The following MXI1 variants were observed in gnomAD, a reference collection of about 807,000 sequenced individuals.
MXI1 encodes the protein max-interacting protein 1.
In MXI1, 18 loss-of-function variants were observed where a neutral mutation model predicts 36.9. The observed-to-expected ratio is 0.49, with a 90% CI of 0.34 to 0.72. The LOEUF (loss-of-function observed/expected upper bound fraction) is 0.72. MXI1 is among the 30% of genes least tolerant of loss of function. The probability of loss-of-function intolerance (pLI) is 0.01; values close to 1 mark genes in which losing one functional copy is unlikely to be tolerated. For synonymous variants in MXI1, 160 were observed against 146.7 expected, an observed-to-expected ratio of 1.09 and a Z score of -0.65; for missense variants, 304 against 379.1, an observed-to-expected ratio of 0.80 and a Z score of 1.64.
At chr10:110,281,486 G>A (rs981369320) in intron 5 of MXI1, among the ~76,000 whole-genome samples, 3 of 152,066 alleles carry the variant, frequency 2.0e-5, no homozygotes, top group Non-Finnish European at 4.4e-5. Flanking sequence ...TGTTTGATGT[G>A]CCTTTTAAGA....
intron 3 of MXI1, among the ~76,000 whole-genome samples, chr10:110,253,296 C>T (rs1288021180): frequency 6.6e-6 from 1 of 151,800 alleles, no homozygotes; most frequent in Non-Finnish European, 1.5e-5. Flanking sequence ...CCCCATTTTA[C>T]ATGGATGTTT....
rs894910005 is a variant in MXI1 at position 110,226,102 on chromosome 10, C to T, written c.275-2087C>T. The T allele has an allele frequency of 1.7e-5, 20 of 1,162,652 alleles. No homozygotes were observed. In the African/African-American group the frequency reaches 3.1e-4, roughly 18 times the overall value. The allele number at this position is 1,162,652 out of a possible 1,614,324, so 72.0% of individuals were successfully genotyped here. A position where few individuals can be genotyped will look rare whatever the true frequency, so the allele number is the denominator to read the frequency against. On this transcript the variant is annotated intron_variant, in intron 1 of 5. Coordinates refer to ENST00000332674, the MANE Select transcript of MXI1 (RefSeq NM_130439.3). ...CGAGCCGCGGCCGAGCTGGCCCGCC[C>T]GCCCGTCGCACATGTTCCGGAACGG...
At chr10:110,251,910 G>A (rs1856105629) in intron 3 of MXI1, among the ~76,000 whole-genome samples, 1 of 152,092 alleles carries the variant, frequency 6.6e-6, no homozygotes, top group Non-Finnish European at 1.5e-5. Flanking sequence ...AAGGTGGTTT[G>A]GAATTAGACT....
At chr10:110,282,876 G>GC (rs1857304192) in intron 5 of MXI1, among the ~76,000 whole-genome samples, 1 of 151,990 alleles carries the variant, frequency 6.6e-6, no homozygotes, top group Non-Finnish European at 1.5e-5. Flanking sequence ...ATAGAGATGG[G>GC]CCTTGTTGCC....
intron 1 of MXI1, among the ~76,000 whole-genome samples, chr10:110,216,823 T>G (rs1296306006): frequency 2.6e-5 from 4 of 151,740 alleles, no homozygotes; most frequent in Non-Finnish European, 5.9e-5. Flanking sequence ...TGTGCCACCT[T>G]GCCCCACTGA....
chr10:110,222,287 A>C (rs1854836198), intron 1 of MXI1, among the ~76,000 whole-genome samples: 1 of 152,238 alleles, frequency 6.6e-6, no homozygotes, highest in South Asian at 2.1e-4. Flanking sequence ...TGCCCTACTC[A>C]GTAAACACTT....
At chr10:110,251,072 C>T (rs11195047) in intron 3 of MXI1, among the ~76,000 whole-genome samples, 49,947 of 140,838 alleles carry the variant, frequency 0.35, 10,193 homozygotes, top group Non-Finnish European at 0.45. Context: ...TAGGTATTCT[C>T]CATATAAGGA....
At chr10:110,283,212 G>A (rs1157213343) in intron 5 of MXI1, among the ~76,000 whole-genome samples, 1 of 151,504 alleles carries the variant, frequency 6.6e-6, no homozygotes, top group Non-Finnish European at 1.5e-5. Flanking sequence ...CTTTTGAAAA[G>A]TATATTCCTG....
chr10:110,213,832 A>T (rs1035652903), intron 1 of MXI1, among the ~76,000 whole-genome samples: 1 of 152,252 alleles, frequency 6.6e-6, no homozygotes, highest in Non-Finnish European at 1.5e-5. Flanking sequence ...AAAAGTCTAG[A>T]GGTGAAACTG....
chr10:110,232,132 T>G (rs956149904), intron 2 of MXI1, among the ~76,000 whole-genome samples: 2 of 152,160 alleles, frequency 1.3e-5, no homozygotes, highest in African/African-American at 4.8e-5. Context: ...GGCTAATTTT[T>G]TGTATTTTTA....
chr10:110,284,185 G>A (rs1857361029), intron 5 of MXI1, among the ~76,000 whole-genome samples: 1 of 151,550 alleles, frequency 6.6e-6, no homozygotes, highest in South Asian at 2.1e-4. Context: ...CCACCAAAAT[G>A]GATCTCACTA....
chr10:110,256,501 G>C (rs61882787), intron 3 of MXI1, among the ~76,000 whole-genome samples: 4,322 of 150,690 alleles, frequency 0.029, 356 homozygotes, highest in East Asian at 0.28. Context: ...TACTCGGGAG[G>C]CTGAGGCAGG....
chr10:110,273,338 T>C (rs1856922341), intron 3 of MXI1, among the ~76,000 whole-genome samples: 3 of 152,138 alleles, frequency 2.0e-5, no homozygotes, highest in Non-Finnish European at 1.5e-5. Flanking sequence ...TGAGCCACCG[T>C]GCCTGGCCTT....
At chr10:110,237,227 C>T (rs1855505319) in intron 2 of MXI1, among the ~76,000 whole-genome samples, 2 of 152,174 alleles carry the variant, frequency 1.3e-5, no homozygotes, top group African/African-American at 4.8e-5. Flanking sequence ...GCTAGAACCT[C>T]TAGTACAGTG....
chr10:110,256,602 C>CA (rs58267076), intron 3 of MXI1, among the ~76,000 whole-genome samples: 10,118 of 48,750 alleles, frequency 0.21, 2,859 homozygotes, highest in African/African-American at 0.39. Flanking sequence ...GACTCTGTCT[C>CA]AAAAAAAAAA....
In MXI1 at chr10:110,286,641, G is replaced by C. The variant is rs1404301045; in HGVS notation, c.*1654G>C. Reference sequence around the variant, plus strand: ...CAACCATATTTAGCAGTGCAGTTGAGTTGTGTGTTAATGTTAGACTATCCC... The same window carrying C: ...CAACCATATTTAGCAGTGCAGTTGACTTGTGTGTTAATGTTAGACTATCCC... On this transcript the variant is annotated 3_prime_UTR_variant, in exon 6 of 6. Transcript: ENST00000332674. 3.9e-4 allele frequency: 59 copies of C among 152,670 alleles called. No homozygotes were observed. Among genetic ancestry groups the C allele is most frequent in the Non-Finnish European group, 1.5e-5 (1 of 68,044 alleles). 9.5% of individuals were successfully genotyped at this position (152,670 alleles called of 1,614,324 possible).
chr10:110,241,835 G>C (rs1855681554), intron 2 of MXI1, among the ~76,000 whole-genome samples: 1 of 151,970 alleles, frequency 6.6e-6, no homozygotes, highest in African/African-American at 2.4e-5. Context: ...TTAGGAGCTA[G>C]ATGTTTTTAC....
chr10:110,208,004 A>G lies in MXI1; in HGVS notation c.196A>G (p.Ile66Val), dbSNP rs762075502. Residue 66 changes from isoleucine to valine, a missense_variant, in exon 1 of 6, where the codon ATC (isoleucine) becomes GTC (valine). By Grantham distance (29) the Ile-to-Val change is conservative. This residue lies in a region of MXI1 where 179 missense variants were observed against 184.8 expected (regional missense o/e 0.97). Coordinates refer to ENST00000332674, the MANE Select transcript of MXI1 (RefSeq NM_130439.3). Reference protein sequence around the residue: ...NTSENSMEKHINTFLQNVQIL... With the variant: ...NTSENSMEKHVNTFLQNVQIL... The stretch of plus-strand genomic sequence containing the variant: ...CAGCGAGAACTCGATGGAGAAGCAC[A>G]TCAACACTTTTCTGCAGAACGTGCA... 1.2e-6 allele frequency: 2 copies of G among 1,604,100 alleles called. No homozygotes were observed. Among genetic ancestry groups the G allele is most frequent in the Non-Finnish European group, 1.7e-6 (2 of 1,175,410 alleles).
At chr10:110,228,386 C>A (rs1485620229) in intron 2 of MXI1, 65 bp downstream of exon 2, 3 of 1,596,380 alleles carry the variant, frequency 1.9e-6, no homozygotes, top group African/African-American at 2.7e-5. Context: ...CCTGTAATCC[C>A]AAGTCTGAAG....
Sources: allele counts gnomAD v4.1 joint callset (sites outside exome capture counted in the v4.1 genomes callset), GRCh38; gene constraint gnomAD v4.1.1; regional missense constraint gnomAD v4.1.1; transcripts MANE v1.5; gene names NCBI Gene and HGNC (gene_info 2026-07-23, HGNC 2026-07-21).